AGBL4: variants seen among roughly 807,000 people sequenced by gnomAD.
AGBL4 encodes the protein cytosolic carboxypeptidase 6.
AGBL4 carries 58 observed loss-of-function variants against 66.4 expected under a neutral mutation model. The observed-to-expected ratio is 0.87, with a 90% CI of 0.71 to 1.09. The LOEUF (loss-of-function observed/expected upper bound fraction) is 1.09, where lower values mean the gene tolerates loss of function less well. Ranked by LOEUF, AGBL4 falls within the 50% of genes least tolerant of loss-of-function variation. The probability of loss-of-function intolerance (pLI) is 0.00; values close to 1 mark genes in which losing one functional copy is unlikely to be tolerated. For missense variants in AGBL4, 579 were observed against 631.0 expected (o/e 0.92, Z 0.88); for synonymous variants, 234 against 222.9 (o/e 1.05, Z -0.44).
intron 3 of AGBL4, among the ~76,000 whole-genome samples, chr1:49,460,629 A>G (rs760812518): frequency 6.6e-6 from 1 of 151,702 alleles, no homozygotes; most frequent in Non-Finnish European, 1.5e-5. Context: ...TATTCTATTC[A>G]TCATGCTATT....
At chr1:49,930,603 T>C (rs973437801) in intron 1 of AGBL4, among the ~76,000 whole-genome samples, 3 of 152,138 alleles carry the variant, frequency 2.0e-5, no homozygotes, top group Non-Finnish European at 4.4e-5. Context: ...GGGATTTATA[T>C]GAAGAACACA....
rs567912505 is a variant in AGBL4, at chr1:50,022,604, T to G, written c.34+1159A>C. ...TCCAGTTTCTGGGGTGTGGTGTGTATGTACCATAACCACACACACACACAC... is the reference window on the plus strand; with the variant it reads ...TCCAGTTTCTGGGGTGTGGTGTGTAGGTACCATAACCACACACACACACAC... On this transcript the variant is annotated intron_variant, in intron 1 of 13. Coordinates refer to ENST00000371839, the MANE Select transcript of AGBL4 (RefSeq NM_032785.4). Among the ~76,000 whole-genome samples the G allele has an allele frequency of 3.4e-4, 48 of 139,330 alleles. 1 individual carries two copies. The South Asian group carries it at 0.011, about 31-fold the overall frequency. The allele number at this position is 139,330 out of a possible 152,430, so 91.4% of individuals were successfully genotyped here.
intron 1 of AGBL4, among the ~76,000 whole-genome samples, chr1:49,951,286 A>G (rs1180583390): frequency 6.6e-6 from 1 of 151,922 alleles, no homozygotes; most frequent in Non-Finnish European, 1.5e-5. Flanking sequence ...GTCAGAATCA[A>G]CATGGAGTCA....
intron 7 of AGBL4, among the ~76,000 whole-genome samples, chr1:48,656,186 A>AAG (rs1358419981): frequency 6.6e-6 from 1 of 152,218 alleles, no homozygotes; most frequent in Non-Finnish European, 1.5e-5. Context: ...TTAAAGCTGG[A>AAG]AGTTAGAGAT....
rs1650864016 is a variant in AGBL4, at chr1:49,237,515, TATATATA to T, written c.377+8248_377+8254del. Among the ~76,000 whole-genome samples the T allele has an allele frequency of 9.9e-4, 135 of 136,642 alleles. 8 individuals carry two copies. The highest frequency in any genetic ancestry group is 3.6e-3 in the African/African-American group (119 of 33,048). The allele number at this position is 136,642 out of a possible 152,430, so 89.6% of individuals were successfully genotyped here. A position where few individuals can be genotyped will look rare whatever the true frequency, so the allele number is the denominator to read the frequency against. On this transcript the variant is annotated intron_variant, in intron 4 of 13. Transcript: ENST00000371839. ...CCTTTTTTTCCTCAATATTACATTA[TATATATA>T]TATATATATATATATATATATATAT...
chr1:48,911,380 G>A (rs575290415), intron 5 of AGBL4, among the ~76,000 whole-genome samples: 1 of 152,248 alleles, frequency 6.6e-6, no homozygotes, highest in Non-Finnish European at 1.5e-5. Context: ...CACTTTGGGA[G>A]GCTGAGGCGG....
intron 5 of AGBL4, among the ~76,000 whole-genome samples, chr1:49,039,640 T>A (rs939623454): frequency 1.3e-5 from 2 of 152,108 alleles, no homozygotes; most frequent in African/African-American, 4.8e-5. Context: ...TGTTATCATG[T>A]GCAAATAAAT....
At chr1:49,536,461 T>C (rs1363884442) in intron 3 of AGBL4, among the ~76,000 whole-genome samples, 1 of 152,148 alleles carries the variant, frequency 6.6e-6, no homozygotes, top group East Asian at 1.9e-4. Context: ...ATAAAAAAAT[T>C]AGTAACATTA....
At chr1:49,313,589 T>C (rs1644981238) in intron 3 of AGBL4, among the ~76,000 whole-genome samples, 1 of 152,206 alleles carries the variant, frequency 6.6e-6, no homozygotes, top group Non-Finnish European at 1.5e-5. Context: ...AGATAGTACC[T>C]CATTGTGGTT....
At chr1:49,329,180 A>T (rs1335009950) in intron 3 of AGBL4, among the ~76,000 whole-genome samples, 1 of 151,966 alleles carries the variant, frequency 6.6e-6, no homozygotes. Flanking sequence ...GGTGGCACAC[A>T]TCTGTAATCC....
At chr1:49,558,307 G>A (rs141899287) in intron 3 of AGBL4, among the ~76,000 whole-genome samples, 2 of 152,044 alleles carry the variant, frequency 1.3e-5, no homozygotes, top group African/African-American at 4.8e-5. Flanking sequence ...GTGTGTCAGA[G>A]AACCAAGCTG....
At chr1:48,864,676 G>A (rs573188392) in intron 6 of AGBL4, among the ~76,000 whole-genome samples, 18 of 152,276 alleles carry the variant, frequency 1.2e-4, no homozygotes, top group African/African-American at 4.1e-4. Flanking sequence ...CATTGATAGT[G>A]TGATACCACA....
intron 5 of AGBL4, among the ~76,000 whole-genome samples, chr1:49,002,409 T>C (rs1040900749): frequency 4.6e-5 from 7 of 152,220 alleles, no homozygotes; most frequent in Non-Finnish European, 7.3e-5. Context: ...GATGCACTTA[T>C]TCTATCGTAA....
chr1:49,461,449 A>AT (rs141884549), intron 3 of AGBL4, among the ~76,000 whole-genome samples: 14,043 of 145,462 alleles, frequency 0.097, 886 homozygotes, highest in African/African-American at 0.17. Context: ...GGAAGTTGTG[A>AT]TTTTTTTTTT....
Position 49,179,980 on chromosome 1 carries a change from C to T in AGBL4, c.377+65790G>A, listed in dbSNP as rs185933114. ...GCAATGGCGCGATCTCGGCTCACTGCAACCTCTGCCTCCCGGGTTCAAGCA... is the reference window on the plus strand; with the variant it reads ...GCAATGGCGCGATCTCGGCTCACTGTAACCTCTGCCTCCCGGGTTCAAGCA... On this transcript the variant is annotated intron_variant, in intron 4 of 13. Coordinates refer to ENST00000371839, the MANE Select transcript of AGBL4 (RefSeq NM_032785.4). 9.3e-4 allele frequency among the ~76,000 whole-genome samples: 142 copies of T among 152,184 alleles called. 2 individuals are homozygous for T. In the East Asian group the frequency reaches 0.024, roughly 26 times the overall value.
intron 5 of AGBL4, among the ~76,000 whole-genome samples, chr1:48,899,022 G>C (rs998761566): frequency 5.3e-5 from 8 of 152,216 alleles, no homozygotes; most frequent in African/African-American, 1.9e-4. Context: ...TCCAGAGGGC[G>C]GGAACCTTGG....
At chr1:48,745,929 G>A (rs1650672529) in intron 6 of AGBL4, among the ~76,000 whole-genome samples, 1 of 152,086 alleles carries the variant, frequency 6.6e-6, no homozygotes. Flanking sequence ...CCTACTAAAG[G>A]AGGAGGGAGC....
chr1:49,735,296 GGT>G (rs34172664), intron 2 of AGBL4, among the ~76,000 whole-genome samples: 34,880 of 126,994 alleles, frequency 0.27, 4,576 homozygotes, highest in East Asian at 0.59. Context: ...GAGGTGTGTG[GGT>G]GTGTGTGTGT....
At chr1:49,595,614 CT>C (rs940173807) in intron 3 of AGBL4, among the ~76,000 whole-genome samples, 3 of 149,154 alleles carry the variant, frequency 2.0e-5, no homozygotes, top group East Asian at 2.0e-4. Context: ...CAGGATCCTT[CT>C]TTTTTTTTAA....
Sources: gnomAD v4.1 joint callset for allele counts (sites outside exome capture counted in the v4.1 genomes callset) on GRCh38, gnomAD v4.1.1 for gene constraint, MANE v1.5 for transcripts, NCBI Gene and HGNC (gene_info 2026-07-23, HGNC 2026-07-21) for gene names.